CD226: variants seen among roughly 807,000 people sequenced by gnomAD.
CD226 encodes the protein CD226 antigen.
In CD226, 24 loss-of-function variants were observed where a neutral mutation model predicts 34.9. The observed-to-expected ratio is 0.69, with a 90% CI of 0.50 to 0.97. The LOEUF is 0.97. Ranked by LOEUF, CD226 falls within the 50% of genes least tolerant of loss-of-function variation. The probability of loss-of-function intolerance (pLI) is 0.00; values close to 1 mark genes in which losing one functional copy is unlikely to be tolerated. For missense variants in CD226, 397 were observed against 412.7 expected (o/e 0.96, Z 0.33); for synonymous variants, 148 against 147.4 (o/e 1.00, Z -0.03).
In CD226 at chr18:69,867,487, C is replaced by A; in HGVS notation, c.831-76G>T. On this transcript the variant is annotated intron_variant, in intron 4 of 5. Transcript: ENST00000582621. ...ATATTATTTCGAAGACTCTATACCT[C>A]ACTGTACCCCTAGCCCACATGCACC... is the stretch of plus-strand genomic sequence containing the variant. The A allele has an allele frequency of 3.3e-6, 3 of 914,064 alleles. No homozygotes were observed. The Admixed American group carries it at 5.3e-5, about 16-fold the overall frequency. The allele number at this position is 914,064 out of a possible 1,614,324, so 56.6% of individuals were successfully genotyped here. A position where few individuals can be genotyped will look rare whatever the true frequency, so the allele number is the denominator to read the frequency against.
intron 2 of CD226, among the ~76,000 whole-genome samples, chr18:69,921,462 C>T (rs1305423600): frequency 6.6e-6 from 1 of 152,094 alleles, no homozygotes; most frequent in Non-Finnish European, 1.5e-5. Flanking sequence ...TCTTATTGGG[C>T]CATTGGATTG....
chr18:69,899,114 T>A (rs1342352291), intron 2 of CD226, among the ~76,000 whole-genome samples: 2 of 152,258 alleles, frequency 1.3e-5, no homozygotes, highest in Non-Finnish European at 2.9e-5. Flanking sequence ...GTGGCTTCTC[T>A]GGCTTGACCA....
intron 2 of CD226, among the ~76,000 whole-genome samples, chr18:69,900,497 C>T (rs2055162251): frequency 6.6e-6 from 1 of 152,082 alleles, no homozygotes; most frequent in South Asian, 2.1e-4. Context: ...CTTTGCGAGG[C>T]CGAGGCGGGC....
intron 3 of CD226, among the ~76,000 whole-genome samples, chr18:69,880,871 G>C (rs998502143): frequency 6.6e-6 from 1 of 152,030 alleles, no homozygotes; most frequent in Admixed American, 6.5e-5. Context: ...TGCTGGTCTC[G>C]AACTCCTGAC....
rs1982685505 is a variant in CD226 at position 69,858,719 on chromosome 18, T to TA, written c.*5594_*5595insT. On this transcript the variant is annotated 3_prime_UTR_variant, in exon 6 of 6. Coordinates refer to ENST00000582621, the MANE Select transcript of CD226 (RefSeq NM_001303618.2). ...CCACCCCTATGTTCAAATACTTAAC[T>TA]TTTTTTTTTTTTTTTTTTTTTTTTT... The TA allele has an allele frequency of 2.8e-3, 111 of 39,340 alleles. No individual in the cohort carries two copies. The highest frequency in any genetic ancestry group is 9.6e-3 in the African/African-American group (105 of 10,910). 2.4% of individuals were successfully genotyped at this position (39,340 alleles called of 1,614,324 possible).
chr18:69,913,941 C>T (rs1004007625), intron 2 of CD226, among the ~76,000 whole-genome samples: 7 of 152,266 alleles, frequency 4.6e-5, no homozygotes, highest in East Asian at 1.9e-4. Context: ...TGGCATCCCA[C>T]GACTTCTCTA....
At chr18:69,881,550 A>T (rs1790969) in intron 3 of CD226, among the ~76,000 whole-genome samples, 126,002 of 152,214 alleles carry the variant, frequency 0.83, 53,848 homozygotes, top group East Asian at 0.97. Context: ...AAGCATGCAG[A>T]GGTGGTTTCA....
At chr18:69,939,458 A>T (rs978607296) in intron 2 of CD226, among the ~76,000 whole-genome samples, 4 of 152,224 alleles carry the variant, frequency 2.6e-5, no homozygotes, top group African/African-American at 9.6e-5. Context: ...TTAGTGATGT[A>T]GAGTATCCTA....
At chr18:69,893,884 T>C (rs760554137) in intron 3 of CD226, among the ~76,000 whole-genome samples, 3 of 152,250 alleles carry the variant, frequency 2.0e-5, no homozygotes, top group Admixed American at 6.5e-5. Flanking sequence ...CACAGAGCTA[T>C]AGTGGAAGCT....
intron 5 of CD226, among the ~76,000 whole-genome samples, chr18:69,865,796 C>G (rs982592247): frequency 6.6e-6 from 1 of 152,128 alleles, no homozygotes; most frequent in African/African-American, 2.4e-5. Context: ...ATTGTCAGAA[C>G]CTTTTTAGTA....
At position 69,947,385 on chromosome 18, in the gene CD226, A is replaced by G. The variant is rs753756543; in HGVS notation, c.22T>C (p.Leu8=). 16 of 1,588,448 alleles carry G rather than the reference A, an allele frequency of 1.0e-5. No homozygotes were observed. Among genetic ancestry groups the G allele is most frequent in the South Asian group, 2.3e-5 (2 of 86,820 alleles). Residue 8 remains leucine, a synonymous_variant, in exon 1 of 6, where the codon TTG becomes CTG. Transcript: ENST00000582621. MDYPTLL[L]ALLHVYRALC... Reference sequence around the variant, plus strand: ...CCTCTGTATACATGAAGAAGAGCCAAAAGTAAAGTAGGATAATCCATCTCT... The same window carrying G: ...CCTCTGTATACATGAAGAAGAGCCAGAAGTAAAGTAGGATAATCCATCTCT...
intron 2 of CD226, among the ~76,000 whole-genome samples, chr18:69,936,342 G>A (rs1286231032): frequency 3.3e-5 from 5 of 152,142 alleles, no homozygotes; most frequent in African/African-American, 7.2e-5. Context: ...GGGAAAGCAC[G>A]TGGATAAAAA....
intron 2 of CD226, among the ~76,000 whole-genome samples, chr18:69,908,485 C>G (rs998968592): frequency 6.6e-6 from 1 of 152,124 alleles, no homozygotes; most frequent in Non-Finnish European, 1.5e-5. Context: ...GCAAGAATGA[C>G]TAACACAAAG....
chr18:69,912,158 A>T (rs1248132407), intron 2 of CD226, among the ~76,000 whole-genome samples: 2 of 152,216 alleles, frequency 1.3e-5, no homozygotes, highest in African/African-American at 4.8e-5. Flanking sequence ...TTCAAGATGG[A>T]TTAAAGACTT....
intron 2 of CD226, among the ~76,000 whole-genome samples, chr18:69,912,129 C>T (rs913979078): frequency 1.6e-4 from 25 of 152,238 alleles, no homozygotes; most frequent in African/African-American, 5.3e-4. Flanking sequence ...CCCTTCCTTA[C>T]ACCTTATACA....
At chr18:69,918,159 C>A (rs1599007569) in intron 2 of CD226, among the ~76,000 whole-genome samples, 1 of 152,166 alleles carries the variant, frequency 6.6e-6, no homozygotes, top group South Asian at 2.1e-4. Context: ...GGACAAGACC[C>A]ATCACGTCCC....
rs1267329156 is a variant in CD226 at position 69,896,109 on chromosome 18, T to C, written c.383-64A>G. 5.9e-6 allele frequency: 9 copies of C among 1,529,694 alleles called. No homozygotes were observed. In the South Asian group the frequency reaches 6.2e-5, roughly 10 times the overall value. 94.8% of individuals were successfully genotyped at this position (1,529,694 alleles called of 1,614,324 possible). On this transcript the variant is annotated intron_variant, in intron 2 of 5. Transcript: ENST00000582621. ...AATTTTGGGACACCCAACTGGAAGA[T>C]ACTTAATCATAAAAATAATTGGTGA...
At chr18:69,913,908 A>G (rs2145293009) in intron 2 of CD226, among the ~76,000 whole-genome samples, 1 of 152,358 alleles carries the variant, frequency 6.6e-6, no homozygotes, top group Non-Finnish European at 1.5e-5. Flanking sequence ...GATGTTTCTT[A>G]CTAAAGTGTG....
intron 4 of CD226, among the ~76,000 whole-genome samples, chr18:69,868,820 C>G (rs1983317532): frequency 6.6e-6 from 1 of 151,976 alleles, no homozygotes; most frequent in African/African-American, 2.4e-5. Flanking sequence ...CACACACACA[C>G]ACACAGACAC....
Sources: allele counts gnomAD v4.1 joint callset (sites outside exome capture counted in the v4.1 genomes callset), GRCh38; gene constraint gnomAD v4.1.1; transcripts MANE v1.5; gene names NCBI Gene and HGNC (gene_info 2026-07-23, HGNC 2026-07-21).